The following TMED10 variants were observed in gnomAD, a reference collection of about 807,000 sequenced individuals.
The protein encoded by TMED10 is transmembrane emp24 domain-containing protein 10.
A neutral mutation model predicts 23.1 loss-of-function variants in TMED10; 7 were observed. The ratio of observed to expected loss-of-function variants is 0.30; its 90% CI spans 0.17 to 0.57. TMED10 has a LOEUF of 0.57. Ranked by LOEUF, TMED10 falls within the 20% of genes least tolerant of loss-of-function variation. TMED10 has a pLI of 0.91. For synonymous variants in TMED10, 113 were observed against 106.9 expected, an observed-to-expected ratio of 1.06 and a Z score of -0.35; for missense variants, 162 against 274.8, an observed-to-expected ratio of 0.59 and a Z score of 2.90.
intron 1 of TMED10, 191 bp downstream of exon 1, chr14:75,176,164 T>C (rs934231169): frequency 2.0e-5 from 13 of 665,940 alleles, no homozygotes; most frequent in South Asian, 3.8e-5. Context: ...TTCCCAGGCG[T>C]TGGTGACCCG....
intron 3 of TMED10, chr14:75,147,426 T>G: frequency 1.9e-6 from 1 of 537,772 alleles, no homozygotes; most frequent in Non-Finnish European, 3.4e-6. Flanking sequence ...ACTCCTGACC[T>G]CAGGCGATCC....
At chr14:75,154,401 CAAAAAAAAAAAA>C (rs1166201835) in intron 1 of TMED10, among the ~76,000 whole-genome samples, 8 of 15,252 alleles carry the variant, frequency 5.2e-4, no homozygotes, top group Non-Finnish European at 3.3e-4. Flanking sequence ...GACTCTGTCT[CAAAAAAAAAAAA>C]AAAAAAAAAA....
In TMED10 at chr14:75,164,073, C is replaced by CT. The variant is rs911201153; in HGVS notation, c.226-11931dup. On this transcript the variant is annotated intron_variant, in intron 1 of 4. Transcript: ENST00000303575. Reference sequence around the variant, plus strand: ...TTAGGTCATTAACCACATTTTCTTCCTTTTTTTTTTGAGACAGAGTTTTGC... The same window carrying CT: ...TTAGGTCATTAACCACATTTTCTTCCTTTTTTTTTTTGAGACAGAGTTTTGC... Among the ~76,000 whole-genome samples the CT allele has an allele frequency of 8.0e-3, 1,182 of 147,558 alleles. 6 individuals are homozygous for CT. The highest frequency in any genetic ancestry group is 0.017 in the Middle Eastern group (5 of 288).
chr14:75,154,704 C>A (rs1375526671), intron 1 of TMED10, among the ~76,000 whole-genome samples: 2 of 152,012 alleles, frequency 1.3e-5, no homozygotes, highest in Non-Finnish European at 2.9e-5. Context: ...CGCTCTGTCA[C>A]CCAGGCTGGA....
Position 75,152,105 on chromosome 14 carries a change from C to A in TMED10, c.264G>T (p.Glu88Asp). 6.2e-7 allele frequency: 1 copy of A among 1,613,914 alleles called. No individual in the cohort carries two copies. The highest frequency in any genetic ancestry group is 1.1e-5 in the South Asian group (1 of 91,082). The change falls in exon 2 of 5, where the codon GAG becomes GAT. Residue 88 changes from glutamate (E) to aspartate (D), a missense_variant. By Grantham distance (45) the Glu-to-Asp change is conservative. Transcript: ENST00000303575. Reference sequence around the variant, plus strand: ...AGGCAAATTTCCCCTTGGTTGCATCCTCTTTGGAGTAGAGAATATGGCCAG... The same window carrying A: ...AGGCAAATTTCCCCTTGGTTGCATCATCTTTGGAGTAGAGAATATGGCCAG... ...DSAGHILYSKEDATKGKFAFT... is the reference protein window; with the variant it reads ...DSAGHILYSKDDATKGKFAFT...
chr14:75,166,228 A>G (rs1896160731), intron 1 of TMED10, among the ~76,000 whole-genome samples: 1 of 152,186 alleles, frequency 6.6e-6, no homozygotes, highest in Non-Finnish European at 1.5e-5. Context: ...ATGTTGAACA[A>G]TGAGGTTGGG....
At chr14:75,151,381 A>G (rs1594868915) in intron 2 of TMED10, among the ~76,000 whole-genome samples, 1 of 149,432 alleles carries the variant, frequency 6.7e-6, no homozygotes, top group East Asian at 2.0e-4. Flanking sequence ...CACCATGCCC[A>G]GCTAATTTTG....
rs1372524554 is a variant in TMED10, at chr14:75,169,964, A to G, written c.225+6391T>C. ...GTGGAACGGCCGGGCGTGGTGGCTC[A>G]TGCCTGTAATCCCAGCACTTTGGGA... is the stretch of plus-strand genomic sequence containing the variant. On this transcript the variant is annotated intron_variant, in intron 1 of 4. Transcript: ENST00000303575. Among the ~76,000 whole-genome samples the G allele has an allele frequency of 2.6e-5, 4 of 151,890 alleles. No homozygotes were observed. The East Asian group carries it at 7.8e-4, about 30-fold the overall frequency.
chr14:75,160,607 T>A (rs886534737), intron 1 of TMED10, among the ~76,000 whole-genome samples: 5 of 152,102 alleles, frequency 3.3e-5, no homozygotes, highest in African/African-American at 1.2e-4. Context: ...TAAATACTTA[T>A]AATAGTGATA....
chr14:75,176,196 C>T, intron 1 of TMED10, 159 bp downstream of exon 1: 1 of 866,138 alleles, frequency 1.2e-6, no homozygotes, highest in Admixed American at 2.9e-5. Context: ...GACAGGCAAC[C>T]AGCGGGGTGA....
intron 1 of TMED10, among the ~76,000 whole-genome samples, chr14:75,169,263 T>C (rs1012973123): frequency 6.6e-6 from 1 of 152,214 alleles, no homozygotes; most frequent in African/African-American, 2.4e-5. Context: ...CAGAGTGGTA[T>C]ATGATAACAT....
rs1399836698 is a variant in TMED10, at chr14:75,133,086, C to T, written c.*1799G>A. On this transcript the variant is annotated 3_prime_UTR_variant, in exon 5 of 5. Transcript: ENST00000303575. ...TTTTAAGTATTTACTCTCTTAATGG[C>T]CCTCGATGTCTATTTTATACATCAT... 3 of 152,150 alleles carry T rather than the reference C, an allele frequency of 2.0e-5. No homozygotes were observed. The highest frequency in any genetic ancestry group is 6.5e-5 in the Admixed American group (1 of 15,272). 9.4% of individuals were successfully genotyped at this position (152,150 alleles called of 1,614,324 possible). A position where few individuals can be genotyped will look rare whatever the true frequency, so the allele number is the denominator to read the frequency against.
intron 3 of TMED10, among the ~76,000 whole-genome samples, chr14:75,144,782 C>T (rs7153535): frequency 0.018 from 2,703 of 152,294 alleles, 88 homozygotes; most frequent in African/African-American, 0.063. Flanking sequence ...TTCAGCCTCC[C>T]GAGTAGTTGG....
At chr14:75,147,595 T>A in intron 3 of TMED10, 69 bp downstream of exon 3, 1 of 1,514,768 alleles carries the variant, frequency 6.6e-7, no homozygotes, top group Admixed American at 1.7e-5. Context: ...CCTGTTGGCC[T>A]GCCGAGGTCA....
chr14:75,156,532 A>G (rs914976778), intron 1 of TMED10, among the ~76,000 whole-genome samples: 10 of 152,286 alleles, frequency 6.6e-5, no homozygotes, highest in African/African-American at 2.4e-4. Flanking sequence ...GGAAAAGCCA[A>G]TGACTGCCAT....
rs1022398111 is a variant in TMED10 at position 75,176,482 on chromosome 14, G to A, written c.98C>T (p.Ser33Phe). The A allele has an allele frequency of 4.3e-6, 7 of 1,614,098 alleles. No individual in the cohort carries two copies. The African/African-American group carries it at 9.3e-5, about 22-fold the overall frequency. ...GCGAGAGTTAATGGGCAGATGGAAG[G>A]AGATGGCAAGGACCAATCTGGGGCC... ...LLGPRLVLAI[S>F]FHLPINSRKC... is the part of the protein sequence containing the mutation. The change falls in exon 1 of 5, where the codon TCC (serine) becomes TTC (phenylalanine). Residue 33 changes from serine to phenylalanine, a missense_variant. By Grantham distance (155) the Ser-to-Phe change is radical. This residue lies in a region of TMED10 where 126 missense variants were observed against 239.5 expected (regional missense o/e 0.53). Transcript: ENST00000303575.
At chr14:75,135,573 G>A in intron 4 of TMED10, 187 bp downstream of exon 4, 4 of 692,036 alleles carry the variant, frequency 5.8e-6, no homozygotes, top group Non-Finnish European at 9.2e-6. Context: ...ATCACAGTAG[G>A]AGTTTCTACT....
At chr14:75,139,567 T>C (rs1594864595) in intron 3 of TMED10, among the ~76,000 whole-genome samples, 1 of 147,036 alleles carries the variant, frequency 6.8e-6, no homozygotes, top group African/African-American at 2.5e-5. Context: ...GCCTGGGAGG[T>C]CAAGGCTGCA....
Position 75,176,455 on chromosome 14 carries a change from T to C in TMED10, c.125A>G (p.Lys42Arg), listed in dbSNP as rs762662732. Residue 42 changes from lysine to arginine, a missense_variant, in exon 1 of 5, where the codon AAG becomes AGG. By Grantham distance (26) the Lys-to-Arg change is conservative. Coordinates refer to ENST00000303575, the MANE Select transcript of TMED10 (RefSeq NM_006827.6). ...ISFHLPINSRKCLREEIHKDL... is the reference protein window; with the variant it reads ...ISFHLPINSRRCLREEIHKDL... Reference sequence around the variant, plus strand: ...CTTGTGAATCTCCTCACGGAGGCACTTGCGAGAGTTAATGGGCAGATGGAA... The same window carrying C: ...CTTGTGAATCTCCTCACGGAGGCACCTGCGAGAGTTAATGGGCAGATGGAA... The C allele has an allele frequency of 6.2e-7, 1 of 1,614,060 alleles. No homozygotes were observed. The highest frequency in any genetic ancestry group is 1.3e-5 in the African/African-American group (1 of 74,912).
Sources: allele counts gnomAD v4.1 joint callset (sites outside exome capture counted in the v4.1 genomes callset), GRCh38; gene constraint gnomAD v4.1.1; regional missense constraint gnomAD v4.1.1; transcripts MANE v1.5; gene names NCBI Gene and HGNC (gene_info 2026-07-23, HGNC 2026-07-21).